The following CYP4B1 variants were observed in gnomAD, a reference collection of about 807,000 sequenced individuals.
CYP4B1 encodes cytochrome P450 4B1.
CYP4B1 carries 45 observed loss-of-function variants against 54.0 expected under a neutral mutation model. The observed-to-expected ratio is 0.83, with a 90% CI of 0.66 to 1.07. The LOEUF (loss-of-function observed/expected upper bound fraction) is 1.07. CYP4B1 is among the 50% of genes least tolerant of loss of function. The probability of loss-of-function intolerance (pLI) is 0.00; values close to 1 mark genes in which losing one functional copy is unlikely to be tolerated. For synonymous variants in CYP4B1, 248 were observed against 247.5 expected (o/e 1.00, Z -0.02); for missense variants, 656 against 655.4 (o/e 1.00, Z -0.01).
intron 3 of CYP4B1, chr1:46,812,152 T>C: frequency 2.1e-6 from 1 of 481,474 alleles, no homozygotes; most frequent in East Asian, 6.1e-5. Context: ...CTCAGCAGGC[T>C]CCCCCTCTGC....
At chr1:46,816,909 C>A in intron 8 of CYP4B1, 139 bp from the exon 9 acceptor site, 1 of 973,240 alleles carries the variant, frequency 1.0e-6, no homozygotes, top group South Asian at 1.5e-5. Context: ...CTAGCCTGGC[C>A]AGGGGCACTT....
Position 46,801,469 on chromosome 1 carries a change from G to A in CYP4B1, c.180+2208G>A, listed in dbSNP as rs537088361. On this transcript the variant is annotated intron_variant, in intron 1 of 11. Transcript: ENST00000371923. The stretch of plus-strand genomic sequence containing the variant: ...CACCCCCACCTTGAGAGTATGCAGA[G>A]GGCCTGGAACACAGTCTAGCTTTGG... Among the ~76,000 whole-genome samples, 8 of 151,614 alleles carry A rather than the reference G, an allele frequency of 5.3e-5. No homozygotes were observed. The East Asian group carries it at 1.6e-3, about 30-fold the overall frequency.
At position 46,813,480 on chromosome 1, in the gene CYP4B1, A is replaced by G; in HGVS notation, c.496-2A>G. On this transcript the variant is annotated splice_acceptor_variant, in intron 4 of 11. Transcript: ENST00000371923. LOFTEE classifies it high-confidence loss of function. ...ACATTGCCTCCTATCCCTGGACTCC[A>G]GGACAAGTGGGAAGAGAAAGCTCGG... 1 of 1,614,144 alleles carries G rather than the reference A, an allele frequency of 6.2e-7. No individual in the cohort carries two copies. Among genetic ancestry groups the G allele is most frequent in the Non-Finnish European group, 8.5e-7 (1 of 1,180,018 alleles).
At chr1:46,818,547 G>T in intron 11 of CYP4B1, 84 bp from the exon 12 acceptor site, 3 of 1,383,148 alleles carry the variant, frequency 2.2e-6, no homozygotes, top group South Asian at 2.5e-5. Flanking sequence ...AACAGTTATT[G>T]ACTTTTGTTG....
Position 46,818,876 on chromosome 1 carries a change from C to T in CYP4B1, c.*62C>T. On this transcript the variant is annotated 3_prime_UTR_variant, in exon 12 of 12. Coordinates refer to ENST00000371923, the MANE Select transcript of CYP4B1 (RefSeq NM_001099772.2). ...TGACCTCCCTGGGCACCACCCTCCC[C>T]AGGCTGGGTGTGGAGGAGTTGGGGC... 3 of 1,566,088 alleles carry T rather than the reference C, an allele frequency of 1.9e-6. No homozygotes were observed. The highest frequency in any genetic ancestry group is 2.3e-5 in the East Asian group (1 of 44,372).
intron 1 of CYP4B1, among the ~76,000 whole-genome samples, chr1:46,802,980 C>T (rs1292619043): frequency 1.3e-5 from 2 of 152,208 alleles, no homozygotes; most frequent in Non-Finnish European, 2.9e-5. Flanking sequence ...ATTAAATTGT[C>T]TTTTGGGGTC....
intron 8 of CYP4B1, 116 bp from the exon 9 acceptor site, chr1:46,816,932 C>A: frequency 8.1e-7 from 1 of 1,241,672 alleles, no homozygotes; most frequent in Non-Finnish European, 1.2e-6. Context: ...AACTCTGTGC[C>A]TCTGACTCTT....
chr1:46,804,128 G>A (rs1678765052), intron 1 of CYP4B1, among the ~76,000 whole-genome samples: 1 of 152,168 alleles, frequency 6.6e-6, no homozygotes. Context: ...AAGACGCAAG[G>A]GAAGAGGCCA....
At chr1:46,811,387 G>A (rs1679095237) in intron 3 of CYP4B1, among the ~76,000 whole-genome samples, 2 of 152,230 alleles carry the variant, frequency 1.3e-5, no homozygotes, top group South Asian at 4.1e-4. Context: ...TCTCTGGCAG[G>A]GCCTGATTCT....
At chr1:46,801,369 G>T (rs1219634122) in intron 1 of CYP4B1, among the ~76,000 whole-genome samples, 1 of 152,130 alleles carries the variant, frequency 6.6e-6, no homozygotes, top group Non-Finnish European at 1.5e-5. Context: ...CTCAGCCAGG[G>T]ACTTCTTTAG....
chr1:46,818,537 A>G, intron 11 of CYP4B1, 94 bp from the exon 12 acceptor site: 2 of 1,307,736 alleles, frequency 1.5e-6, no homozygotes, highest in Middle Eastern at 1.9e-4. Flanking sequence ...TTCATCCAAA[A>G]ACAGTTATTG....
intron 11 of CYP4B1, among the ~76,000 whole-genome samples, 186 bp downstream of exon 11, chr1:46,818,399 A>G (rs191163335): frequency 1.4e-4 from 22 of 152,324 alleles, no homozygotes; most frequent in African/African-American, 4.8e-4. Flanking sequence ...TGGGTGGGAT[A>G]GATGAGTCAT....
At chr1:46,802,344 C>T (rs925893853) in intron 1 of CYP4B1, among the ~76,000 whole-genome samples, 1 of 152,138 alleles carries the variant, frequency 6.6e-6, no homozygotes, top group Admixed American at 6.6e-5. Flanking sequence ...CATTTTCATT[C>T]AGTAAACATT....
intron 1 of CYP4B1, among the ~76,000 whole-genome samples, chr1:46,809,191 CA>C (rs1678993130): frequency 5.9e-5 from 6 of 102,006 alleles, no homozygotes; most frequent in Admixed American, 5.4e-4. Flanking sequence ...AAAAACAAAA[CA>C]AAACAAAACA....
intron 1 of CYP4B1, among the ~76,000 whole-genome samples, chr1:46,801,463 T>C (rs1047204029): frequency 1.5e-4 from 22 of 151,276 alleles, no homozygotes; most frequent in Non-Finnish European, 2.8e-4. Flanking sequence ...CTTGAGAGTA[T>C]GCAGAGGGCC....
chr1:46,818,513 C>A, intron 11 of CYP4B1, 118 bp from the exon 12 acceptor site: 1 of 1,087,048 alleles, frequency 9.2e-7, no homozygotes, highest in Non-Finnish European at 1.4e-6. Flanking sequence ...GTCAACCAAT[C>A]TATCAGCCAG....
intron 1 of CYP4B1, among the ~76,000 whole-genome samples, chr1:46,802,402 C>A (rs1408785991): frequency 6.6e-6 from 1 of 152,200 alleles, no homozygotes; most frequent in Non-Finnish European, 1.5e-5. Context: ...CTTTACCTCT[C>A]TGTGCTTCTG....
chr1:46,800,300 T>C (rs1678600734), intron 1 of CYP4B1, among the ~76,000 whole-genome samples: 1 of 137,480 alleles, frequency 7.3e-6, no homozygotes, highest in Non-Finnish European at 1.6e-5. Flanking sequence ...CTTCCTTCCT[T>C]CTTTCCTTCC....
At position 46,815,010 on chromosome 1, in the gene CYP4B1, T is replaced by C. The variant is rs1033571671; in HGVS notation, c.883-64T>C. The C allele has an allele frequency of 2.4e-5, 35 of 1,442,218 alleles. No individual in the cohort carries two copies. The African/African-American group carries it at 4.0e-4, about 17-fold the overall frequency. 89.3% of individuals were successfully genotyped at this position (1,442,218 alleles called of 1,614,324 possible). On this transcript the variant is annotated intron_variant, in intron 7 of 11. Coordinates refer to ENST00000371923, the MANE Select transcript of CYP4B1 (RefSeq NM_001099772.2). ...GACCTTCATTTGACAACCACCATTA[T>C]GAGTTCTTCTTGTTACCCACCTCCA...
Sources: allele counts gnomAD v4.1 joint callset (sites outside exome capture counted in the v4.1 genomes callset), GRCh38; gene constraint gnomAD v4.1.1; transcripts MANE v1.5; gene names NCBI Gene and HGNC (gene_info 2026-07-23, HGNC 2026-07-21).